Variants in WFS1 observed in about 807,000 individuals in gnomAD.
WFS1 encodes wolframin.
WFS1 carries 90 observed loss-of-function variants against 68.5 expected under a neutral mutation model. The observed-to-expected ratio is 1.31, with a 90% confidence interval of 1.11 to 1.56. The LOEUF (loss-of-function observed/expected upper bound fraction) is 1.56. Ranked by LOEUF, WFS1 falls within the 40% of genes most tolerant of loss-of-function variation. The probability of loss-of-function intolerance (pLI) is 0.00; values close to 1 mark genes in which losing one functional copy is unlikely to be tolerated. For missense variants in WFS1, 1,767 were observed against 1,232.6 expected, an observed-to-expected ratio of 1.43 and a Z score of -6.49; for synonymous variants, 860 against 540.7, an observed-to-expected ratio of 1.59 and a Z score of -8.19.
chr4:6,286,274 G>C (rs1730305937), intron 2 of WFS1, among the ~76,000 whole-genome samples: 1 of 152,194 alleles, frequency 6.6e-6, no homozygotes, highest in Non-Finnish European at 1.5e-5. Context: ...AGGAGGTGGG[G>C]CCTTTGGAGG....
chr4:6,271,395 G>A (rs1042607034), intron 1 of WFS1, among the ~76,000 whole-genome samples: 5 of 152,296 alleles, frequency 3.3e-5, no homozygotes, highest in Non-Finnish European at 5.9e-5. Context: ...TGCCCATCCC[G>A]GACCAGTGCT....
At chr4:6,273,525 A>C (rs1729897321) in intron 1 of WFS1, among the ~76,000 whole-genome samples, 1 of 151,260 alleles carries the variant, frequency 6.6e-6, no homozygotes, top group African/African-American at 2.4e-5. Flanking sequence ...CCACAGCATT[A>C]TTGCCTGGAT....
At chr4:6,289,217 C>T in intron 4 of WFS1, 86 bp downstream of exon 4, 1 of 1,483,186 alleles carries the variant, frequency 6.7e-7, no homozygotes, top group Non-Finnish European at 9.0e-7. Context: ...AAAATCTTAC[C>T]AAACCTAACG....
Position 6,289,083 on chromosome 4 carries a change from C to G in WFS1, c.412C>G (p.Arg138Gly), listed in dbSNP as rs780394696. The G allele has an allele frequency of 6.3e-7, 1 of 1,586,352 alleles. No homozygotes were observed. Among genetic ancestry groups the G allele is most frequent in the Admixed American group, 1.8e-5 (1 of 55,686 alleles). ...GCTGGTCCTCGCCGCGAAGCAGGGC[C>G]GTCGCGAGGCTGTGAAGCTGCTTCG... is the stretch of plus-strand genomic sequence containing the variant. ...DWLVLAAKQG[R>G]REAVKLLRRC... Residue 138 changes from arginine to glycine, a missense_variant, in exon 4 of 8, where the codon CGT (arginine) becomes GGT (glycine). Physicochemically the swap from Arg to Gly is moderately radical, Grantham distance 125 (BLOSUM62 -2). Coordinates refer to ENST00000226760, the MANE Select transcript of WFS1 (RefSeq NM_006005.3).
chr4:6,270,471 G>C (rs958756767), intron 1 of WFS1, among the ~76,000 whole-genome samples: 56 of 152,112 alleles, frequency 3.7e-4, no homozygotes, highest in Non-Finnish European at 6.8e-4. Context: ...TGTTGTGGGG[G>C]GGAAGGGGGG....
At position 6,302,472 on chromosome 4, in the gene WFS1, T is replaced by G. The variant is rs770442469; in HGVS notation, c.*4T>G. 2 of 1,612,444 alleles carry G rather than the reference T, an allele frequency of 1.2e-6. No homozygotes were observed. The highest frequency in any genetic ancestry group is 1.1e-5 in the South Asian group (1 of 91,090). ...CCCATTCCTGTCGGCGGCCTGAGGA[T>G]GGTCCGCCACGAGGAGCTTCCAGTG... On this transcript the variant is annotated 3_prime_UTR_variant, in exon 8 of 8. Transcript: ENST00000226760.
rs1466910093 is a variant in WFS1 at position 6,301,493 on chromosome 4, C to A, written c.1698C>A (p.Phe566Leu). The stretch of plus-strand genomic sequence containing the variant: ...GCGCCTCCATCGGCTACTTCCTCTT[C>A]CTCTTTGCCCTCCCCATCCTGGTGG... ...LLRASIGYFL[F>L]LFALPILVAG... Residue 566 changes from phenylalanine to leucine, a missense_variant, in exon 8 of 8, where the codon TTC becomes TTA. Phe to Leu is a conservative substitution (Grantham distance 22). Transcript: ENST00000226760. 3.1e-6 allele frequency: 5 copies of A among 1,613,326 alleles called. No homozygotes were observed. The highest frequency in any genetic ancestry group is 3.4e-6 in the Non-Finnish European group (4 of 1,179,938).
Position 6,277,626 on chromosome 4 carries a change from A to G in WFS1, c.171A>G (p.Ala57=). The G allele has an allele frequency of 6.4e-7, 1 of 1,571,830 alleles. No homozygotes were observed. Among genetic ancestry groups the G allele is most frequent in the African/African-American group, 1.3e-5 (1 of 74,134 alleles). The stretch of plus-strand genomic sequence containing the variant: ...GCCCTGGCCCTGGTGTTAGAGACGC[A>G]GCGGCCCCCGCTGAACCCCAGGCCC... ...QAGPGPGVRD[A]AAPAEPQAQH... Residue 57 remains alanine, a synonymous_variant, in exon 2 of 8, where the codon GCA becomes GCG. Transcript: ENST00000226760.
At chr4:6,300,621 T>G (rs774184733) in intron 7 of WFS1, 36 bp from the exon 8 acceptor site, 2 of 1,613,426 alleles carry the variant, frequency 1.2e-6, no homozygotes, top group Non-Finnish European at 1.7e-6. Context: ...GGGGGTCCTG[T>G]CCCAGCCTCG....
chr4:6,294,703 T>C (rs1034469481), intron 6 of WFS1: 9 of 366,484 alleles, frequency 2.5e-5, no homozygotes, highest in Admixed American at 1.9e-4. Flanking sequence ...TGGAGGTGCA[T>C]GTTGTAAGGC....
chr4:6,271,388 C>G (rs1254975624), intron 1 of WFS1, among the ~76,000 whole-genome samples: 1 of 152,208 alleles, frequency 6.6e-6, no homozygotes, highest in Non-Finnish European at 1.5e-5. Flanking sequence ...CCTCCCCTGC[C>G]CATCCCGGAC....
At chr4:6,297,890 T>G (rs1730679710) in intron 7 of WFS1, among the ~76,000 whole-genome samples, 1 of 152,074 alleles carries the variant, frequency 6.6e-6, no homozygotes, top group Non-Finnish European at 1.5e-5. Context: ...AAAAAGGGGA[T>G]CGTTCCCTGG....
chr4:6,270,301 C>T (rs925789375), intron 1 of WFS1, among the ~76,000 whole-genome samples: 4 of 151,522 alleles, frequency 2.6e-5, no homozygotes, highest in African/African-American at 9.7e-5. Flanking sequence ...GGCGGGACAG[C>T]AGGCCCGAGA....
intron 1 of WFS1, among the ~76,000 whole-genome samples, chr4:6,270,417 C>G (rs890528742): frequency 6.6e-6 from 1 of 151,698 alleles, no homozygotes; most frequent in Non-Finnish European, 1.5e-5. Flanking sequence ...CGGCCGCCCT[C>G]GGTGCCCGCC....
In WFS1 at chr4:6,301,120, C is replaced by G. The variant is rs775922395; in HGVS notation, c.1325C>G (p.Thr442Ser). ...LAVITGFFTV[T>S]SYLSLSTHAE... The stretch of plus-strand genomic sequence containing the variant: ...GTCATCACCGGCTTCTTTACCGTGA[C>G]CAGCTACCTGAGCCTGAGCACCCAT... The change falls in exon 8 of 8, where the codon ACC (threonine) becomes AGC (serine). Residue 442 changes from threonine to serine, a missense_variant. Coordinates refer to ENST00000226760, the MANE Select transcript of WFS1 (RefSeq NM_006005.3). 1.9e-6 allele frequency: 3 copies of G among 1,613,674 alleles called. No individual in the cohort carries two copies. The highest frequency in any genetic ancestry group is 2.5e-6 in the Non-Finnish European group (3 of 1,180,030).
Position 6,287,578 on chromosome 4 carries a change from C to G in WFS1, c.315+403C>G, listed in dbSNP as rs921357969. Among the ~76,000 whole-genome samples, 3 of 152,226 alleles carry G rather than the reference C, an allele frequency of 2.0e-5. No individual in the cohort carries two copies. The highest frequency in any genetic ancestry group is 4.1e-4 in the South Asian group (2 of 4,828). ...GTGCACGGGGCCCTCAGAGCGGTGA[C>G]CATTCACTTGGGCATCAGCCAAGGG... On this transcript the variant is annotated intron_variant, in intron 3 of 7. Transcript: ENST00000226760. The surrounding 1 kb of genome is among the most constrained non-coding windows in gnomAD (Gnocchi z 6.4).
chr4:6,288,169 A>G (rs1730363917), intron 3 of WFS1, among the ~76,000 whole-genome samples: 1 of 150,798 alleles, frequency 6.6e-6, no homozygotes. Flanking sequence ...GTGAGCCGAG[A>G]TCGCACCACC....
At chr4:6,284,215 CA>C (rs1377323237) in intron 2 of WFS1, among the ~76,000 whole-genome samples, 7 of 151,916 alleles carry the variant, frequency 4.6e-5, no homozygotes, top group Non-Finnish European at 7.4e-5. Flanking sequence ...ACTAAAAATA[CA>C]AAAAAACTTA....
rs564735061 is a variant in WFS1 at position 6,276,197 on chromosome 4, A to G, written c.-5-1254A>G. ...TCACACAGCAGCAGGTTCAAGGTCC[A>G]GCAGTGCCAGGGGTTTGCATCCCAC... On this transcript the variant is annotated intron_variant, in intron 1 of 7. Transcript: ENST00000226760. Among the ~76,000 whole-genome samples, 17 of 152,318 alleles carry G rather than the reference A, an allele frequency of 1.1e-4. No individual in the cohort carries two copies. In the South Asian group the frequency reaches 3.5e-3, roughly 32 times the overall value.
Sources: gnomAD v4.1 joint callset for allele counts (sites outside exome capture counted in the v4.1 genomes callset) on GRCh38, gnomAD v4.1.1 for gene constraint, Gnocchi (gnomAD v3.1) non-coding constraint, MANE v1.5 for transcripts, NCBI Gene and HGNC (gene_info 2026-07-23, HGNC 2026-07-21) for gene names.